Variants in ARRDC5 observed in about 807,000 individuals in gnomAD.
The protein encoded by ARRDC5 is arrestin domain-containing protein 5.
A neutral mutation model predicts 13.3 loss-of-function variants in ARRDC5; 12 were observed. The observed-to-expected ratio is 0.90, with a 90% confidence interval of 0.58 to 1.46. The LOEUF is 1.46. Ranked by LOEUF, ARRDC5 falls within the 40% of genes most tolerant of loss-of-function variation. The pLI is 0.00. For synonymous variants in ARRDC5, 181 were observed against 173.4 expected, an observed-to-expected ratio of 1.04 and a Z score of -0.34; for missense variants, 406 against 418.7, an observed-to-expected ratio of 0.97 and a Z score of 0.26.
At chr19:4,898,345 G>A (rs749336807) in intron 1 of ARRDC5, among the ~76,000 whole-genome samples, 6 of 151,898 alleles carry the variant, frequency 4.0e-5, no homozygotes, top group African/African-American at 9.7e-5. Context: ...AAAGATACTA[G>A]GGACCCTGTC....
chr19:4,890,754 C>A lies in ARRDC5; in HGVS notation c.*292G>T. 5.4e-6 allele frequency: 2 copies of A among 367,770 alleles called. No homozygotes were observed. The highest frequency in any genetic ancestry group is 1.0e-5 in the Non-Finnish European group (2 of 200,724). The allele number at this position is 367,770 out of a possible 1,614,324, so 22.8% of individuals were successfully genotyped here. On this transcript the variant is annotated 3_prime_UTR_variant, in exon 3 of 3. Coordinates refer to ENST00000650722, the MANE Select transcript of ARRDC5 (RefSeq NM_001080523.3). ...GGGAGAATTCTCCCCAAGTAGGACC[C>A]CTGGTCTTGGCACTGTGAGACCCCA... is the stretch of plus-strand genomic sequence containing the variant.
chr19:4,902,384 A>G (rs533069575), intron 1 of ARRDC5, among the ~76,000 whole-genome samples, 189 bp downstream of exon 1: 2 of 152,084 alleles, frequency 1.3e-5, no homozygotes, highest in East Asian at 3.9e-4. Context: ...TCAGCTCCTT[A>G]TGTCTTGTTA....
At chr19:4,911,648 G>A in the ARRDC5 span, among the ~76,000 whole-genome samples, 1 of 152,148 alleles carries the variant, frequency 6.6e-6, no homozygotes, top group Non-Finnish European at 1.5e-5. Flanking sequence ...TCTCTGTTCT[G>A]TCTCCAGCCC....
chr19:4,909,688 C>G, the ARRDC5 span: 7 of 510,156 alleles, frequency 1.4e-5, no homozygotes, highest in Non-Finnish European at 2.4e-5. Context: ...GGTGCCAGCC[C>G]GGGCCGGGCG....
chr19:4,915,789 A>G, the ARRDC5 span, among the ~76,000 whole-genome samples: 1 of 152,238 alleles, frequency 6.6e-6, no homozygotes, highest in South Asian at 2.1e-4. Context: ...TAGTTGGTCA[A>G]TTAGATTGCA....
chr19:4,916,199 G>A, the ARRDC5 span, among the ~76,000 whole-genome samples: 1 of 152,056 alleles, frequency 6.6e-6, no homozygotes, highest in Admixed American at 6.6e-5. Flanking sequence ...CTAGCTACTC[G>A]GGAGGCCAAG....
At chr19:4,911,561 C>T in the ARRDC5 span, among the ~76,000 whole-genome samples, 1 of 152,176 alleles carries the variant, frequency 6.6e-6, no homozygotes, top group African/African-American at 2.4e-5. Context: ...ATTTCCGCCA[C>T]CCTGAGCCTG....
At chr19:4,899,917 C>T (rs1354015174) in intron 1 of ARRDC5, among the ~76,000 whole-genome samples, 1 of 148,826 alleles carries the variant, frequency 6.7e-6, no homozygotes, top group Non-Finnish European at 1.5e-5. Flanking sequence ...CCACGCTGGG[C>T]GACAGAGGAG....
chr19:4,898,778 C>G (rs2031817447), intron 1 of ARRDC5, among the ~76,000 whole-genome samples: 1 of 150,994 alleles, frequency 6.6e-6, no homozygotes, highest in Non-Finnish European at 1.5e-5. Flanking sequence ...AGGCGCGTGT[C>G]ACCACACCTG....
Position 4,902,641 on chromosome 19 carries a change from T to A in ARRDC5, c.185A>T (p.Tyr62Phe), listed in dbSNP as rs369067996. Residue 62 changes from tyrosine to phenylalanine, a missense_variant, in exon 1 of 3, where the codon TAT (tyrosine) becomes TTT (phenylalanine). Tyr to Phe is a conservative substitution (Grantham distance 22). Transcript: ENST00000650722. ...GTTGTTGCAAATAACATTTCTGCTA[T>A]AATCACAGGATGCCCCGGCTTCTTC... is the stretch of plus-strand genomic sequence containing the variant. ...WSEEAGASCD[Y>F]SRNVICNNKA... The A allele has an allele frequency of 1.1e-5, 18 of 1,613,912 alleles. No individual in the cohort carries two copies. Among genetic ancestry groups the A allele is most frequent in the African/African-American group, 1.3e-5 (1 of 74,936 alleles).
At chr19:4,912,199 C>T in the ARRDC5 span, among the ~76,000 whole-genome samples, 34 of 152,170 alleles carry the variant, frequency 2.2e-4, no homozygotes, top group Non-Finnish European at 4.0e-4. Flanking sequence ...GGGGAGTTGA[C>T]GGTGCAAGCC....
chr19:4,894,457 G>A (rs1056474359), intron 2 of ARRDC5, among the ~76,000 whole-genome samples: 4 of 132,556 alleles, frequency 3.0e-5, no homozygotes, highest in Non-Finnish European at 6.4e-5. Context: ...CTTGCAGTGA[G>A]CCGAGATCCC....
At chr19:4,909,602 T>C in the ARRDC5 span, 1 of 639,138 alleles carries the variant, frequency 1.6e-6, no homozygotes, top group South Asian at 1.6e-5. Context: ...TTCATCGCCA[T>C]CCCCAGCCGG....
At chr19:4,900,276 C>A (rs1034499733) in intron 1 of ARRDC5, among the ~76,000 whole-genome samples, 1 of 150,872 alleles carries the variant, frequency 6.6e-6, no homozygotes, top group Non-Finnish European at 1.5e-5. Flanking sequence ...GCTTCTTGAG[C>A]AGCTGTATTT....
the ARRDC5 span, chr19:4,911,057 C>T: frequency 3.8e-6 from 6 of 1,558,810 alleles, no homozygotes; most frequent in Non-Finnish European, 5.2e-6. Context: ...GCCGCCAGCA[C>T]CTTTGTTCTA....
upstream of ARRDC5, among the ~76,000 whole-genome samples, chr19:4,905,989 T>A (rs1384751941): frequency 6.6e-6 from 1 of 152,170 alleles, no homozygotes; most frequent in African/African-American, 2.4e-5. Flanking sequence ...ATTATTACTA[T>A]TTTTTGAGAC....
the ARRDC5 span, chr19:4,910,706 G>T: frequency 3.3e-6 from 2 of 600,352 alleles, no homozygotes; most frequent in Non-Finnish European, 5.4e-6. Flanking sequence ...TGCTTAATTT[G>T]TTGTGTCTGG....
upstream of ARRDC5, among the ~76,000 whole-genome samples, chr19:4,905,108 C>CTTTTTT (rs61443004): frequency 2.1e-5 from 2 of 95,194 alleles, no homozygotes; most frequent in Non-Finnish European, 4.0e-5. Context: ...CGTAAACTTT[C>CTTTTTT]TTTTTTTTTT....
intron 1 of ARRDC5, among the ~76,000 whole-genome samples, chr19:4,899,884 A>G (rs1369567773): frequency 6.9e-6 from 1 of 145,742 alleles, no homozygotes; most frequent in Non-Finnish European, 1.5e-5. Flanking sequence ...GCTTGCAGTG[A>G]GCCAAGATTG....
Sources: gnomAD v4.1 joint callset for allele counts (sites outside exome capture counted in the v4.1 genomes callset) on GRCh38, gnomAD v4.1.1 for gene constraint, MANE v1.5 for transcripts, NCBI Gene and HGNC (gene_info 2026-07-23, HGNC 2026-07-21) for gene names.